The following MFN1 variants were observed in gnomAD, a reference collection of about 807,000 sequenced individuals.
MFN1 encodes the protein mitofusin 1, also known as mitofusin-1.
A neutral mutation model predicts 92.4 loss-of-function variants in MFN1; 65 were observed. The observed-to-expected ratio is 0.70, with a 90% CI of 0.58 to 0.86. The LOEUF is 0.86. Ranked by LOEUF, MFN1 falls within the 40% of genes least tolerant of loss-of-function variation. The pLI, the probability that MFN1 is intolerant of heterozygous loss-of-function variation, is 0.00. For missense variants in MFN1, 781 were observed against 868.0 expected (o/e 0.90, Z 1.26); for synonymous variants, 297 against 300.9 (o/e 0.99, Z 0.13).
At chr3:179,350,317 A>G (rs916997671) in intron 2 of MFN1, among the ~76,000 whole-genome samples, 2 of 152,064 alleles carry the variant, frequency 1.3e-5, no homozygotes, top group Admixed American at 6.6e-5. Context: ...CCTTTAGGGC[A>G]GGAGCCTGGG....
chr3:179,362,230 A>G, intron 4 of MFN1, 128 bp from the exon 5 acceptor site: 1 of 952,442 alleles, frequency 1.0e-6, no homozygotes, highest in Non-Finnish European at 1.4e-6. Flanking sequence ...GATTGCTCAG[A>G]AGGTTTTATT....
At chr3:179,370,796 A>G (rs915676156) in intron 9 of MFN1, among the ~76,000 whole-genome samples, 2 of 152,174 alleles carry the variant, frequency 1.3e-5, no homozygotes, top group South Asian at 4.1e-4. Context: ...TGAATTTGTG[A>G]CTGCAGCTTT....
intron 12 of MFN1, 166 bp from the exon 13 acceptor site, chr3:179,378,174 AG>A: frequency 1.6e-6 from 1 of 610,448 alleles, no homozygotes; most frequent in Non-Finnish European, 2.9e-6. Context: ...CAGTGAGTCA[AG>A]ATCAAAGCAC....
At chr3:179,373,734 C>T (rs1014997556) in intron 9 of MFN1, among the ~76,000 whole-genome samples, 4 of 151,784 alleles carry the variant, frequency 2.6e-5, no homozygotes, top group Non-Finnish European at 4.4e-5. Context: ...AGTGCAGTGG[C>T]GCTATCTCAG....
intron 2 of MFN1, among the ~76,000 whole-genome samples, chr3:179,351,579 A>G (rs528191544): frequency 6.6e-6 from 1 of 152,340 alleles, no homozygotes; most frequent in Admixed American, 6.5e-5. Flanking sequence ...CCATTCAGTC[A>G]GGTTGGAACA....
chr3:179,375,310 G>A lies in MFN1; in HGVS notation c.1066G>A (p.Asp356Asn). 2 of 1,613,606 alleles carry A rather than the reference G, an allele frequency of 1.2e-6. No homozygotes were observed. The highest frequency in any genetic ancestry group is 1.7e-6 in the Non-Finnish European group (2 of 1,179,852). ...QILATVKNIM[D>N]SVNLAAEDKR... ...ACTAGCTACTGTGAAAAACATAATG[G>A]ATTCAGTAAACCTGGCAGCTGAAGA... Residue 356 changes from aspartate to asparagine, a missense_variant, in exon 10 of 18, where the codon GAT becomes AAT. By Grantham distance (23) the Asp-to-Asn change is conservative. Coordinates refer to ENST00000471841, the MANE Select transcript of MFN1 (RefSeq NM_033540.3).
At chr3:179,355,852 C>T (rs924752660) in intron 3 of MFN1, among the ~76,000 whole-genome samples, 2 of 151,958 alleles carry the variant, frequency 1.3e-5, no homozygotes, top group African/African-American at 4.8e-5. Flanking sequence ...CTTGGGAGGC[C>T]TTGGCAGGAG....
rs1342745073 is a variant in MFN1 at position 179,347,709 on chromosome 3, A to C, written c.-109A>C. ...AGGCCGGAAGTGACCGCCCTTTGCC[A>C]CTCCCCCTGCCTCCTCTCCGCCTTT... On this transcript the variant is annotated 5_prime_UTR_variant, in exon 1 of 18. Coordinates refer to ENST00000471841, the MANE Select transcript of MFN1 (RefSeq NM_033540.3). The C allele has an allele frequency of 2.0e-5, 3 of 152,020 alleles. No homozygotes were observed. Among genetic ancestry groups the C allele is most frequent in the Non-Finnish European group, 4.4e-5 (3 of 68,030 alleles). 9.4% of individuals were successfully genotyped at this position (152,020 alleles called of 1,614,324 possible).
Position 179,364,534 on chromosome 3 carries a change from G to T in MFN1, c.645+129G>T, listed in dbSNP as rs73883509. The T allele has an allele frequency of 0.012, 8,056 of 683,058 alleles. 341 individuals carry two copies. Among genetic ancestry groups the T allele is most frequent in the African/African-American group, 0.1 (5,730 of 54,748 alleles). 42.3% of individuals were successfully genotyped at this position (683,058 alleles called of 1,614,324 possible). A position where few individuals can be genotyped will look rare whatever the true frequency, so the allele number is the denominator to read the frequency against. On this transcript the variant is annotated intron_variant, in intron 6 of 17. Coordinates refer to ENST00000471841, the MANE Select transcript of MFN1 (RefSeq NM_033540.3). ...TTCTAAAAACAGGCATGAATGAAGG[G>T]GTTTGTGTTTTCATAGAACCAGAAG... is the stretch of plus-strand genomic sequence containing the variant.
intron 7 of MFN1, among the ~76,000 whole-genome samples, chr3:179,365,467 A>G (rs1278086098): frequency 1.6e-4 from 25 of 152,174 alleles, no homozygotes; most frequent in Admixed American, 1.6e-3. Context: ...TTAAGTTGTT[A>G]TTGAAATGTA....
At chr3:179,352,897 G>A (rs1339434293) in intron 3 of MFN1, among the ~76,000 whole-genome samples, 4 of 151,610 alleles carry the variant, frequency 2.6e-5, no homozygotes, top group Admixed American at 1.3e-4. Context: ...AATTATAGGC[G>A]TGTGCCACCA....
chr3:179,352,631 G>T (rs1712191371), intron 3 of MFN1, among the ~76,000 whole-genome samples: 1 of 152,184 alleles, frequency 6.6e-6, no homozygotes, highest in Admixed American at 6.5e-5. Context: ...TTGTTTCTAG[G>T]CAGCTTATGT....
intron 3 of MFN1, 35 bp downstream of exon 3, chr3:179,352,070 C>T (rs371258687): frequency 7.1e-6 from 11 of 1,552,806 alleles, no homozygotes; most frequent in Non-Finnish European, 8.8e-6. Context: ...GATTAGTTTC[C>T]AGGAATCAGC....
intron 7 of MFN1, among the ~76,000 whole-genome samples, chr3:179,366,511 C>G (rs868428185): frequency 1.3e-5 from 2 of 151,654 alleles, no homozygotes; most frequent in Non-Finnish European, 2.9e-5. Flanking sequence ...AATAGTAGTA[C>G]GAGATTATTA....
At chr3:179,360,656 T>G (rs1165270476) in intron 4 of MFN1, among the ~76,000 whole-genome samples, 1 of 152,162 alleles carries the variant, frequency 6.6e-6, no homozygotes, top group Non-Finnish European at 1.5e-5. Context: ...TACTTTCTCT[T>G]GAGTCTAAAG....
chr3:179,357,457 A>G (rs1712389000), intron 3 of MFN1, among the ~76,000 whole-genome samples: 1 of 152,236 alleles, frequency 6.6e-6, no homozygotes, highest in Admixed American at 6.5e-5. Context: ...TATTGGCAAT[A>G]GAAGCCAATG....
rs1372456605 is a variant in MFN1 at position 179,350,895 on chromosome 3, C to T, written c.113-1005C>T. Among the ~76,000 whole-genome samples, 7 of 152,174 alleles carry T rather than the reference C, an allele frequency of 4.6e-5. 1 individual carries two copies. Among genetic ancestry groups the T allele is most frequent in the Admixed American group, 4.6e-4 (7 of 15,274 alleles). ...TTTTTGAGACGATGTCTCACTCTGT[C>T]ACCCAGGTTGGAGTGCAGTGGCACC... is the stretch of plus-strand genomic sequence containing the variant. On this transcript the variant is annotated intron_variant, in intron 2 of 17. Coordinates refer to ENST00000471841, the MANE Select transcript of MFN1 (RefSeq NM_033540.3).
At position 179,348,850 on chromosome 3, in the gene MFN1, T is replaced by A. The variant is rs767702499; in HGVS notation, c.-2T>A. The A allele has an allele frequency of 6.2e-7, 1 of 1,609,104 alleles. No homozygotes were observed. Among genetic ancestry groups the A allele is most frequent in the Non-Finnish European group, 8.5e-7 (1 of 1,176,204 alleles). ...CTAACTTTATCTCCCTCTAGTAGCA[T>A]AATGGCAGAACCTGTTTCTCCACTG... On this transcript the variant is annotated 5_prime_UTR_variant, in exon 2 of 18. Transcript: ENST00000471841.
In MFN1 at chr3:179,385,709, T is replaced by C. The variant is rs1713660236; in HGVS notation, c.1803T>C (p.Ile601=). The part of the protein sequence containing the change: ...VTSRTSMGII[I]VGGVIWKTIG... ...CTAGAACTTCTATGGGCATCATTAT[T>C]GTTGGAGGAGTGGTAAGAAACATTA... The change falls in exon 15 of 18, where the codon ATT becomes ATC. Residue 601 remains isoleucine (I), a synonymous_variant. Coordinates refer to ENST00000471841, the MANE Select transcript of MFN1 (RefSeq NM_033540.3). The C allele has an allele frequency of 3.1e-6, 5 of 1,612,906 alleles. No individual in the cohort carries two copies. The highest frequency in any genetic ancestry group is 3.4e-6 in the Non-Finnish European group (4 of 1,179,768).
Sources: gnomAD v4.1 joint callset for allele counts (sites outside exome capture counted in the v4.1 genomes callset) on GRCh38, gnomAD v4.1.1 for gene constraint, MANE v1.5 for transcripts, NCBI Gene and HGNC (gene_info 2026-07-23, HGNC 2026-07-21) for gene names.